The following ALG9 variants were observed in gnomAD, a reference collection of about 807,000 sequenced individuals.
The protein encoded by ALG9 is ALG9 alpha-1,2-mannosyltransferase.
ALG9 carries 55 observed loss-of-function variants against 81.8 expected under a neutral mutation model. The ratio of observed to expected loss-of-function variants is 0.67; its 90% CI spans 0.54 to 0.84. The LOEUF is 0.84. ALG9 is among the 40% of genes least tolerant of loss of function. The pLI is 0.00. For synonymous variants in ALG9, 278 were observed against 274.3 expected, an observed-to-expected ratio of 1.01 and a Z score of -0.13; for missense variants, 629 against 745.0, an observed-to-expected ratio of 0.84 and a Z score of 1.81.
chr11:111,780,123 G>A (rs1945847740), downstream of ALG9, among the ~76,000 whole-genome samples: 2 of 152,072 alleles, frequency 1.3e-5, no homozygotes, highest in East Asian at 1.9e-4. Context: ...GGTAGGGCCC[G>A]ATCACCTCCT....
Position 111,868,678 on chromosome 11 carries a change from GCATATGCTGGGGAATATTCC to G in ALG9, c.309_328del (p.Trp103CysfsTer25). On this transcript the variant is annotated frameshift_variant, in exon 3 of 15. Transcript: ENST00000616540. LOFTEE classifies it high-confidence loss of function. ...CAACAGGTAAGCATAGGAGCGAATG[GCATATGCTGGGGAATATTCC>G]CAAGTCTGAAACCCTTCCCCATAGA... The G allele has an allele frequency of 6.2e-7, 1 of 1,613,618 alleles. No homozygotes were observed. The highest frequency in any genetic ancestry group is 8.5e-7 in the Non-Finnish European group (1 of 1,179,582).
intron 14 of ALG9, among the ~76,000 whole-genome samples, chr11:111,793,758 C>G (rs372181347): frequency 4.5e-5 from 6 of 132,042 alleles, no homozygotes; most frequent in African/African-American, 1.8e-4. Flanking sequence ...GAGAGTCCAG[C>G]TCAAAAAAAA....
the ALG9 span, chr11:111,768,842 C>CGTGTGTGTGTGT: frequency 8.2e-3 from 1,171 of 143,184 alleles, 13 homozygotes; most frequent in African/African-American, 0.011. Flanking sequence ...TGTGTGTGTG[C>CGTGTGTGTGTGT]GTGTGTGTGT....
intron 8 of ALG9, 98 bp from the exon 9 acceptor site, chr11:111,844,821 AT>A: frequency 7.5e-7 from 1 of 1,335,942 alleles, no homozygotes. Flanking sequence ...AACACTGATG[AT>A]CCTATGCCTC....
chr11:111,822,324 G>A (rs370055447), intron 13 of ALG9, among the ~76,000 whole-genome samples: 3 of 144,802 alleles, frequency 2.1e-5, no homozygotes, highest in African/African-American at 7.7e-5. Flanking sequence ...CAGGAGGATC[G>A]CTTAAGCCTG....
intron 4 of ALG9, among the ~76,000 whole-genome samples, chr11:111,862,230 CTTTT>C (rs1273334421): frequency 7.0e-6 from 1 of 143,534 alleles, no homozygotes; most frequent in Non-Finnish European, 1.5e-5. Flanking sequence ...TTACATGTTT[CTTTT>C]TTTTCTTTTT....
intron 13 of ALG9, among the ~76,000 whole-genome samples, chr11:111,819,607 A>G (rs1633471): frequency 0.65 from 99,417 of 152,178 alleles, 32,559 homozygotes; most frequent in East Asian, 0.77. Context: ...CATAACTGAG[A>G]CTATCCAGCA....
At chr11:111,776,139 T>C in the ALG9 span, among the ~76,000 whole-genome samples, 1 of 152,052 alleles carries the variant, frequency 6.6e-6, no homozygotes, top group African/African-American at 2.4e-5. Flanking sequence ...GAGGATCACT[T>C]GGCCCAGAAG....
chr11:111,819,415 T>A lies in ALG9; in HGVS notation c.1603-9642A>T, dbSNP rs571206777. Among the ~76,000 whole-genome samples the A allele has an allele frequency of 5.3e-5, 8 of 152,378 alleles. No individual in the cohort carries two copies. In the East Asian group the frequency reaches 1.3e-3, roughly 26 times the overall value. ...ATCTCCACACAGAAGACAGATCTTA[T>A]TTCTCATATGTCACTGAAAATCCTC... On this transcript the variant is annotated intron_variant, in intron 13 of 14. Coordinates refer to ENST00000616540, the MANE Select transcript of ALG9 (RefSeq NM_024740.2).
Position 111,786,476 on chromosome 11 carries a change from T to C in ALG9, c.1778A>G (p.Asp593Gly). 2 of 1,614,074 alleles carry C rather than the reference T, an allele frequency of 1.2e-6. No individual in the cohort carries two copies. Among genetic ancestry groups the C allele is most frequent in the Non-Finnish European group, 1.7e-6 (2 of 1,179,988 alleles). The change falls in exon 15 of 15, where the codon GAT becomes GGT. Residue 593 changes from aspartate (D) to glycine (G), a missense_variant. Asp to Gly is a moderately conservative substitution (Grantham distance 94). Coordinates refer to ENST00000616540, the MANE Select transcript of ALG9 (RefSeq NM_024740.2). ...LRAFYVPFLS[D>G]QYTVYVNYTI... is the part of the protein sequence containing the mutation. ...GTAGTTTACGTACACTGTATACTGATCTGACAGGAAGGGGACATAGAATGC... is the reference window on the plus strand; with the variant it reads ...GTAGTTTACGTACACTGTATACTGACCTGACAGGAAGGGGACATAGAATGC...
chr11:111,864,199 C>A (rs1961437333), intron 4 of ALG9: 1 of 638,058 alleles, frequency 1.6e-6, no homozygotes, highest in Non-Finnish European at 2.9e-6. Flanking sequence ...TTCAGTCAGG[C>A]CCCGCTGACC....
downstream of ALG9, among the ~76,000 whole-genome samples, chr11:111,778,898 T>C (rs1411182617): frequency 6.6e-6 from 1 of 150,918 alleles, no homozygotes; most frequent in Non-Finnish European, 1.5e-5. Context: ...CGCCGCAACC[T>C]CCGCCTCCCA....
chr11:111,780,930 G>A (rs1945899089), downstream of ALG9, among the ~76,000 whole-genome samples: 1 of 152,084 alleles, frequency 6.6e-6, no homozygotes, highest in African/African-American at 2.4e-5. Flanking sequence ...TATATGTTAC[G>A]GTTCTATGCC....
the ALG9 span, chr11:111,771,258 C>G: frequency 2.0e-5 from 3 of 152,418 alleles, no homozygotes; most frequent in Non-Finnish European, 4.4e-5. Flanking sequence ...ATAGTGAAAC[C>G]CTGTCTCTAC....
At chr11:111,842,721 G>A (rs1174255867) in intron 9 of ALG9, among the ~76,000 whole-genome samples, 3 of 151,940 alleles carry the variant, frequency 2.0e-5, no homozygotes, top group African/African-American at 7.3e-5. Context: ...ACTGTGCCTG[G>A]TCTTTTTTCT....
At chr11:111,836,928 G>A (rs1177278949) in intron 12 of ALG9, among the ~76,000 whole-genome samples, 1 of 152,108 alleles carries the variant, frequency 6.6e-6, no homozygotes, top group Non-Finnish European at 1.5e-5. Flanking sequence ...ACCTACACAG[G>A]ACTCTTCTCT....
chr11:111,844,194 G>A (rs775124781), intron 9 of ALG9, among the ~76,000 whole-genome samples: 1 of 152,068 alleles, frequency 6.6e-6, no homozygotes, highest in African/African-American at 2.4e-5. Flanking sequence ...TAGTAGAGAT[G>A]GGGTTTCACC....
At chr11:111,838,512 G>T in intron 10 of ALG9, 113 bp from the exon 11 acceptor site, 1 of 919,732 alleles carries the variant, frequency 1.1e-6, no homozygotes, top group Non-Finnish European at 1.7e-6. Context: ...TTTGCCAACA[G>T]TGAGGTACCT....
intron 3 of ALG9, among the ~76,000 whole-genome samples, chr11:111,865,576 A>G (rs1295190807): frequency 1.3e-5 from 2 of 152,246 alleles, no homozygotes; most frequent in Non-Finnish European, 2.9e-5. Flanking sequence ...CTCATGGACA[A>G]TTATACAGCT....
Sources: gnomAD v4.1 joint callset for allele counts (sites outside exome capture counted in the v4.1 genomes callset) on GRCh38, gnomAD v4.1.1 for gene constraint, MANE v1.5 for transcripts, NCBI Gene and HGNC (gene_info 2026-07-23, HGNC 2026-07-21) for gene names.